DIRAS2: variants seen among roughly 807,000 people sequenced by gnomAD.
DIRAS2 encodes DIRAS family GTPase 2, also known as GTP-binding protein Di-Ras2.
DIRAS2 carries 5 observed loss-of-function variants against 13.9 expected under a neutral mutation model. That is an observed-to-expected ratio of 0.36 (90% CI 0.19 to 0.76). The LOEUF (loss-of-function observed/expected upper bound fraction) is 0.76, where lower values mean the gene tolerates loss of function less well. DIRAS2 is among the 30% of genes least tolerant of loss of function. The pLI, the probability that DIRAS2 is intolerant of heterozygous loss-of-function variation, is 0.53. For synonymous variants in DIRAS2, 111 were observed against 105.4 expected (o/e 1.05, Z -0.33); for missense variants, 191 against 263.0 (o/e 0.73, Z 1.89).
chr9:90,614,212 C>A (rs993884552), intron 1 of DIRAS2, among the ~76,000 whole-genome samples: 1 of 152,122 alleles, frequency 6.6e-6, no homozygotes, highest in Non-Finnish European at 1.5e-5. Context: ...AAAACACAAA[C>A]ACACATATGC....
At chr9:90,629,351 T>C (rs1334000019) in intron 1 of DIRAS2, among the ~76,000 whole-genome samples, 2 of 152,182 alleles carry the variant, frequency 1.3e-5, no homozygotes, top group African/African-American at 4.8e-5. Flanking sequence ...AAGCTTGATT[T>C]TTAAAAAATG....
intron 1 of DIRAS2, among the ~76,000 whole-genome samples, chr9:90,634,877 A>G (rs1296489458): frequency 6.6e-6 from 1 of 152,222 alleles, no homozygotes; most frequent in Non-Finnish European, 1.5e-5. Flanking sequence ...AATAAACCTG[A>G]GACACTGAGA....
At chr9:90,615,452 T>A (rs1006863598) in intron 1 of DIRAS2, among the ~76,000 whole-genome samples, 1 of 152,186 alleles carries the variant, frequency 6.6e-6, no homozygotes, top group Non-Finnish European at 1.5e-5. Flanking sequence ...TGCTTAGGAG[T>A]TTGGTGAAGT....
intron 1 of DIRAS2, among the ~76,000 whole-genome samples, chr9:90,634,603 C>T (rs528917449): frequency 1.3e-5 from 2 of 152,142 alleles, no homozygotes; most frequent in Non-Finnish European, 2.9e-5. Flanking sequence ...GAGTCAGGAA[C>T]TCCTATGGGG....
chr9:90,641,283 G>T (rs988538330), intron 1 of DIRAS2, among the ~76,000 whole-genome samples: 9 of 152,282 alleles, frequency 5.9e-5, no homozygotes, highest in Admixed American at 1.3e-4. Context: ...GATTCTGGAG[G>T]TTTCTACAAT....
chr9:90,620,485 G>A (rs1018508874), intron 1 of DIRAS2, among the ~76,000 whole-genome samples: 1 of 152,132 alleles, frequency 6.6e-6, no homozygotes, highest in African/African-American at 2.4e-5. Flanking sequence ...GGCTGGGCAC[G>A]GTGGCTCATG....
At chr9:90,625,372 G>T (rs1413611885) in intron 1 of DIRAS2, among the ~76,000 whole-genome samples, 2 of 152,166 alleles carry the variant, frequency 1.3e-5, no homozygotes, top group Non-Finnish European at 2.9e-5. Flanking sequence ...CATGCTTTTG[G>T]TGTCATTTGA....
At chr9:90,630,155 G>A (rs1367313354) in intron 1 of DIRAS2, among the ~76,000 whole-genome samples, 1 of 151,996 alleles carries the variant, frequency 6.6e-6, no homozygotes, top group African/African-American at 2.4e-5. Context: ...GGGACTTTTG[G>A]TTCATTCTCC....
At chr9:90,638,591 A>G (rs1468509903) in intron 1 of DIRAS2, among the ~76,000 whole-genome samples, 1 of 152,074 alleles carries the variant, frequency 6.6e-6, no homozygotes, top group Non-Finnish European at 1.5e-5. Context: ...TAAGTGTCAG[A>G]TGATTGTTTT....
chr9:90,636,771 A>G (rs761064296), intron 1 of DIRAS2, among the ~76,000 whole-genome samples: 3 of 152,248 alleles, frequency 2.0e-5, no homozygotes, highest in Non-Finnish European at 4.4e-5. Flanking sequence ...AGAGATAGAC[A>G]AATACATGGA....
chr9:90,618,663 G>T (rs1825191260), intron 1 of DIRAS2, among the ~76,000 whole-genome samples: 1 of 152,130 alleles, frequency 6.6e-6, no homozygotes. Flanking sequence ...ACTAGTTCTG[G>T]TATATACAAA....
At chr9:90,622,787 C>A (rs894023134) in intron 1 of DIRAS2, among the ~76,000 whole-genome samples, 30 of 152,108 alleles carry the variant, frequency 2.0e-4, no homozygotes, top group African/African-American at 7.0e-4. Flanking sequence ...TTCTCTCTAA[C>A]CTTGGATTTA....
At chr9:90,638,625 C>T (rs1245653323) in intron 1 of DIRAS2, among the ~76,000 whole-genome samples, 1 of 147,080 alleles carries the variant, frequency 6.8e-6, no homozygotes, top group Admixed American at 6.7e-5. Flanking sequence ...CAATGAAATA[C>T]TCCATTGATC....
intron 1 of DIRAS2, among the ~76,000 whole-genome samples, chr9:90,640,002 G>A (rs1005370600): frequency 1.3e-5 from 2 of 152,200 alleles, no homozygotes; most frequent in African/African-American, 4.8e-5. Flanking sequence ...AGCACTGGAA[G>A]CACAGCTAAT....
At chr9:90,638,859 C>G (rs1455268013) in intron 1 of DIRAS2, among the ~76,000 whole-genome samples, 2 of 152,002 alleles carry the variant, frequency 1.3e-5, no homozygotes, top group Non-Finnish European at 2.9e-5. Flanking sequence ...AGAGAAACTC[C>G]CAAACTCAAA....
intron 1 of DIRAS2, among the ~76,000 whole-genome samples, chr9:90,626,981 C>T (rs1390933796): frequency 6.6e-6 from 1 of 152,114 alleles, no homozygotes; most frequent in African/African-American, 2.4e-5. Context: ...AGGTGGGGCC[C>T]GGTGGGAGGT....
rs1172319390 is a variant in DIRAS2, at chr9:90,642,767, A to G, written c.-52T>C. On this transcript the variant is annotated 5_prime_UTR_variant, in exon 1 of 2. Transcript: ENST00000375765. ...AATCGGTTACCTGGGGAAGAACACA[A>G]CTCCGCTCAGAGCTTCTTCAGAGCT... 5 of 152,386 alleles carry G rather than the reference A, an allele frequency of 3.3e-5. No individual in the cohort carries two copies. The South Asian group carries it at 6.2e-4, about 19-fold the overall frequency. The allele number at this position is 152,386 out of a possible 1,614,324, so 9.4% of individuals were successfully genotyped here.
chr9:90,634,896 C>A (rs764043436), intron 1 of DIRAS2, among the ~76,000 whole-genome samples: 2 of 152,176 alleles, frequency 1.3e-5, no homozygotes, highest in Non-Finnish European at 2.9e-5. Flanking sequence ...GAAAGAGGAA[C>A]CACTCAAATA....
chr9:90,633,613 T>C (rs72757626), intron 1 of DIRAS2, among the ~76,000 whole-genome samples: 5,247 of 152,244 alleles, frequency 0.034, 138 homozygotes, highest in South Asian at 0.12. Context: ...ATGAGATCGT[T>C]TGCAAGAACA....
Sources: allele counts gnomAD v4.1 joint callset (sites outside exome capture counted in the v4.1 genomes callset), GRCh38; gene constraint gnomAD v4.1.1; transcripts MANE v1.5; gene names NCBI Gene and HGNC (gene_info 2026-07-23, HGNC 2026-07-21).